Variants in TTC34 observed in about 807,000 individuals in gnomAD.
TTC34 encodes tetratricopeptide repeat domain 34, also known as tetratricopeptide repeat protein 34.
TTC34 carries 44 observed loss-of-function variants against 40.7 expected under a neutral mutation model. The ratio of observed to expected loss-of-function variants is 1.08; its 90% CI spans 0.85 to 1.39. TTC34 has a LOEUF of 1.39. Ranked by LOEUF, TTC34 falls within the 40% of genes most tolerant of loss-of-function variation. The pLI is 0.00. For synonymous variants in TTC34, 422 were observed against 398.6 expected (o/e 1.06, Z -0.70); for missense variants, 884 against 838.0 (o/e 1.05, Z -0.68).
intron 6 of TTC34, among the ~76,000 whole-genome samples, chr1:2,753,171 A>T (rs1641383096): frequency 9.1e-6 from 1 of 109,942 alleles, no homozygotes; most frequent in Non-Finnish European, 1.7e-5. Context: ...AACAGCACCC[A>T]CACCCCCAGG....
At chr1:2,643,069 C>T (rs929095696) in intron 8 of TTC34, among the ~76,000 whole-genome samples, 14 of 152,278 alleles carry the variant, frequency 9.2e-5, no homozygotes, top group Admixed American at 2.0e-4. Flanking sequence ...ACATTTGGGC[C>T]GGGTCCATGG....
exon 8 of TTC34, chr1:2,644,438 C>T (rs1488952548): frequency 1.3e-6 from 2 of 1,535,482 alleles, no homozygotes; most frequent in East Asian, 2.4e-5. Context: ...GGGCACGGTG[C>T]AGGGCTTTTT....
At position 2,789,582 on chromosome 1, in the gene TTC34, G is replaced by A. The variant is rs780045567; in HGVS notation, c.1549C>T (p.Arg517Ter). 1 of 1,453,022 alleles carries A rather than the reference G, an allele frequency of 6.9e-7. No individual in the cohort carries two copies. 90.0% of individuals were successfully genotyped at this position (1,453,022 alleles called of 1,614,324 possible). The stretch of plus-strand genomic sequence containing the variant: ...CTGGACGGCCCGGCGCGTGGAGATC[G>A]CTGCAGCATCCCACGGGCCTCCTCC... Residue 517 changes from arginine (R) to a stop codon, truncating the protein, a stop_gained, in exon 3 of 9, where the codon CGA becomes TGA. Coordinates refer to ENST00000401095, the Ensembl canonical transcript of TTC34. LOFTEE classifies it high-confidence loss of function.
At chr1:2,799,075 C>T (rs1334883390) in intron 2 of TTC34, among the ~76,000 whole-genome samples, 2 of 150,886 alleles carry the variant, frequency 1.3e-5, no homozygotes, top group African/African-American at 4.9e-5. Context: ...CCAAGCCTCC[C>T]AGCCCCCTAG....
chr1:2,674,967 G>A (rs1164914900), intron 6 of TTC34, among the ~76,000 whole-genome samples: 2 of 131,762 alleles, frequency 1.5e-5, no homozygotes, highest in Admixed American at 1.6e-4. Flanking sequence ...ATAGCCCATG[G>A]TGAGCACCTG....
At chr1:2,746,510 AC>A (rs1641179665) in intron 6 of TTC34, among the ~76,000 whole-genome samples, 1 of 43,344 alleles carries the variant, frequency 2.3e-5, no homozygotes, top group Admixed American at 2.5e-4. Flanking sequence ...CAGCGGGCAC[AC>A]CCCCAGGTGA....
chr1:2,749,484 C>G (rs1346351708), intron 6 of TTC34, among the ~76,000 whole-genome samples: 2 of 86,050 alleles, frequency 2.3e-5, no homozygotes, highest in African/African-American at 6.1e-5. Context: ...GCACCCACAT[C>G]CCCAGGTGAG....
At chr1:2,789,441 T>A in intron 3 of TTC34, 62 bp downstream of exon 3, 1 of 1,437,006 alleles carries the variant, frequency 7.0e-7, no homozygotes. Context: ...AACACATCCG[T>A]CGCTACCTCG....
chr1:2,801,089 G>A (rs939677887), intron 1 of TTC34, among the ~76,000 whole-genome samples: 7 of 152,096 alleles, frequency 4.6e-5, no homozygotes, highest in African/African-American at 1.7e-4. Context: ...TGGGGCCTCA[G>A]TTTCGTGCCT....
chr1:2,686,217 G>A (rs1472605474), intron 6 of TTC34, among the ~76,000 whole-genome samples: 2 of 147,866 alleles, frequency 1.4e-5, no homozygotes, highest in East Asian at 4.0e-4. Context: ...GCGAGCATCT[G>A]ACAGCCTGGA....
At chr1:2,778,268 T>G (rs1643375548) in intron 6 of TTC34, among the ~76,000 whole-genome samples, 1 of 152,230 alleles carries the variant, frequency 6.6e-6, no homozygotes, top group South Asian at 2.1e-4. Context: ...TGTGCTGTGC[T>G]TTTACCCAGC....
At position 2,641,372 on chromosome 1, in the gene TTC34, TG is replaced by T; in HGVS notation, c.3235del (p.Gln1079SerfsTer5). ...CTGGGAGAGGGTCAGGCCCAGTCAC[TG>T]TAGCCAGCAGCCTGAGGATGCCTCC... On this transcript the variant is annotated frameshift_variant, in exon 9 of 9. Transcript: ENST00000401095. LOFTEE classifies it high-confidence loss of function. The T allele has an allele frequency of 6.6e-7, 1 of 1,508,296 alleles. No individual in the cohort carries two copies. Among genetic ancestry groups the T allele is most frequent in the African/African-American group, 1.4e-5 (1 of 72,590 alleles). 93.4% of individuals were successfully genotyped at this position (1,508,296 alleles called of 1,614,324 possible). A position where few individuals can be genotyped will look rare whatever the true frequency, so the allele number is the denominator to read the frequency against.
intron 6 of TTC34, among the ~76,000 whole-genome samples, chr1:2,750,865 C>T (rs1430042531): frequency 1.2e-5 from 1 of 82,356 alleles, no homozygotes; most frequent in African/African-American, 4.8e-5. Flanking sequence ...GAGCATCTGA[C>T]AGCGTGGAGC....
Position 2,694,829 on chromosome 1 carries a change from C to A in TTC34, c.2227-49266G>T, listed in dbSNP as rs996521992. Among the ~76,000 whole-genome samples, 3 of 87,178 alleles carry A rather than the reference C, an allele frequency of 3.4e-5. 1 individual carries two copies. The highest frequency in any genetic ancestry group is 1.1e-4 in the African/African-American group (3 of 26,738). 57.2% of individuals were successfully genotyped at this position (87,178 alleles called of 152,430 possible). A position where few individuals can be genotyped will look rare whatever the true frequency, so the allele number is the denominator to read the frequency against. ...ATCTGACAGCCTGGAACGACACCCACACCCCCAGGTGAGCATCTGATGGTC... is the reference window on the plus strand; with the variant it reads ...ATCTGACAGCCTGGAACGACACCCAAACCCCCAGGTGAGCATCTGATGGTC... On this transcript the variant is annotated intron_variant, in intron 6 of 8. Transcript: ENST00000401095.
At chr1:2,764,540 AC>A (rs1641742483) in intron 6 of TTC34, among the ~76,000 whole-genome samples, 1 of 146,294 alleles carries the variant, frequency 6.8e-6, no homozygotes, top group South Asian at 2.2e-4. Flanking sequence ...CAGCACCCAC[AC>A]CCCCAGGTGA....
chr1:2,657,449 C>G (rs544731265), intron 6 of TTC34, among the ~76,000 whole-genome samples: 1 of 89,746 alleles, frequency 1.1e-5, no homozygotes. Context: ...ACTCATGGAG[C>G]AGCACCCACG....
At chr1:2,638,728 G>A (rs1459110513) in exon 9 of TTC34, 1 of 152,330 alleles carries the variant, frequency 6.6e-6, no homozygotes, top group Non-Finnish European at 1.5e-5. Flanking sequence ...CTGGTTGTGG[G>A]TGTCTGCTTG....
intron 6 of TTC34, chr1:2,775,442 G>T (rs961477377): frequency 6.8e-6 from 1 of 147,926 alleles, no homozygotes; most frequent in African/African-American, 2.6e-5. Flanking sequence ...TCCCAGGTGA[G>T]CATCTGACAG....
intron 6 of TTC34, chr1:2,775,423 C>G (rs1267409083): frequency 6.8e-6 from 1 of 147,644 alleles, no homozygotes; most frequent in Non-Finnish European, 1.5e-5. Context: ...CCTGGAACAG[C>G]ACCCACACTC....
Sources: gnomAD v4.1 joint callset for allele counts (sites outside exome capture counted in the v4.1 genomes callset) on GRCh38, gnomAD v4.1.1 for gene constraint, MANE v1.5 for transcripts, NCBI Gene and HGNC (gene_info 2026-07-23, HGNC 2026-07-21) for gene names.